The following PRKD1 variants were observed in gnomAD, a reference collection of about 807,000 sequenced individuals.
PRKD1 encodes the protein serine/threonine-protein kinase D1.
In PRKD1, 63 loss-of-function variants were observed where a neutral mutation model predicts 95.9. The ratio of observed to expected loss-of-function variants is 0.66; its 90% CI spans 0.54 to 0.81. The LOEUF (loss-of-function observed/expected upper bound fraction) is 0.81, where lower values mean the gene tolerates loss of function less well. Ranked by LOEUF, PRKD1 falls within the 30% of genes least tolerant of loss-of-function variation. The pLI, the probability that PRKD1 is intolerant of heterozygous loss-of-function variation, is 0.00. For synonymous variants in PRKD1, 425 were observed against 423.1 expected, an observed-to-expected ratio of 1.00 and a Z score of -0.05; for missense variants, 1,048 against 1,165.3, an observed-to-expected ratio of 0.90 and a Z score of 1.47.
At chr14:29,628,366 G>A (rs1347309625) in intron 11 of PRKD1, among the ~76,000 whole-genome samples, 2 of 152,206 alleles carry the variant, frequency 1.3e-5, no homozygotes, top group Non-Finnish European at 2.9e-5. Flanking sequence ...GTCACAGGAG[G>A]AGGTAGAAAA....
At chr14:29,732,174 A>G (rs1404936816) in intron 1 of PRKD1, among the ~76,000 whole-genome samples, 1 of 152,106 alleles carries the variant, frequency 6.6e-6, no homozygotes, top group Non-Finnish European at 1.5e-5. Flanking sequence ...CGCTGGACCA[A>G]CAATCCTTAC....
chr14:29,671,286 C>G (rs1406270724), intron 2 of PRKD1, among the ~76,000 whole-genome samples: 2 of 152,060 alleles, frequency 1.3e-5, no homozygotes, highest in Admixed American at 6.6e-5. Context: ...AGGGAACTGT[C>G]TGATGAGCTC....
intron 4 of PRKD1, among the ~76,000 whole-genome samples, chr14:29,655,901 C>A (rs766717700): frequency 2.9e-4 from 43 of 149,716 alleles, no homozygotes; most frequent in Non-Finnish European, 5.3e-4. Flanking sequence ...CACACGTACC[C>A]TAGAACTTAA....
chr14:29,755,496 C>T (rs910019844), intron 1 of PRKD1, among the ~76,000 whole-genome samples: 28 of 152,102 alleles, frequency 1.8e-4, no homozygotes, highest in African/African-American at 5.8e-4. Flanking sequence ...CAAACCCCGG[C>T]GACACAGAGT....
intron 1 of PRKD1, among the ~76,000 whole-genome samples, chr14:29,855,923 G>A (rs965734979): frequency 1.3e-5 from 2 of 152,156 alleles, no homozygotes; most frequent in African/African-American, 4.8e-5. Flanking sequence ...CAACCATGTG[G>A]AACTGTTAAG....
chr14:29,927,508 C>T lies in PRKD1; in HGVS notation c.5G>A (p.Ser2Asn), dbSNP rs1379643068. The change falls in exon 1 of 18, where the codon AGC becomes AAC. Residue 2 changes from serine (S) to asparagine (N), a missense_variant. By Grantham distance (46) the Ser-to-Asn change is conservative. This residue lies in a region of PRKD1 where 34 missense variants were observed against 54.8 expected (regional missense o/e 0.62). Coordinates refer to ENST00000331968, the MANE Select transcript of PRKD1 (RefSeq NM_002742.3). ...GGGCGGCCGCAGGACCGGAGGGGCG[C>T]TCATCGCTCGGCGGGGCGCAGGGCC... M[S>N]APPVLRPPSP... The T allele has an allele frequency of 8.4e-7, 1 of 1,193,012 alleles. No individual in the cohort carries two copies. Among genetic ancestry groups the T allele is most frequent in the Admixed American group, 4.6e-5 (1 of 21,894 alleles). 73.9% of individuals were successfully genotyped at this position (1,193,012 alleles called of 1,614,324 possible). A position where few individuals can be genotyped will look rare whatever the true frequency, so the allele number is the denominator to read the frequency against.
At chr14:29,634,621 G>C in intron 7 of PRKD1, 80 bp from the exon 8 acceptor site, 2 of 1,543,358 alleles carry the variant, frequency 1.3e-6, no homozygotes, top group East Asian at 2.3e-5. Flanking sequence ...CCTTATGTCA[G>C]CTAATCCAAG....
chr14:29,901,963 AC>A (rs1894335544), intron 1 of PRKD1, among the ~76,000 whole-genome samples: 1 of 152,208 alleles, frequency 6.6e-6, no homozygotes, highest in South Asian at 2.1e-4. Flanking sequence ...TTTGACACAT[AC>A]AAACTCAATA....
intron 1 of PRKD1, among the ~76,000 whole-genome samples, chr14:29,828,384 C>T (rs1271255890): frequency 6.6e-6 from 1 of 151,800 alleles, no homozygotes; most frequent in Non-Finnish European, 1.5e-5. Context: ...AGTGAGATCT[C>T]GCTCATTACC....
intron 2 of PRKD1, among the ~76,000 whole-genome samples, chr14:29,670,391 T>A (rs1395140424): frequency 6.6e-6 from 1 of 152,132 alleles, no homozygotes; most frequent in Non-Finnish European, 1.5e-5. Flanking sequence ...AGAGAGGAAT[T>A]GTACAGAATC....
chr14:29,687,398 A>T (rs1883945052), intron 2 of PRKD1, among the ~76,000 whole-genome samples: 1 of 152,190 alleles, frequency 6.6e-6, no homozygotes. Flanking sequence ...GAAAATAATG[A>T]AATATATACT....
chr14:29,646,568 GATAA>G (rs1881137897), intron 4 of PRKD1, among the ~76,000 whole-genome samples: 1 of 137,718 alleles, frequency 7.3e-6, no homozygotes, highest in African/African-American at 2.8e-5. Flanking sequence ...TAGATAGATA[GATAA>G]ATTTTTTTCA....
chr14:29,717,934 A>G (rs1885705446), intron 2 of PRKD1, among the ~76,000 whole-genome samples: 2 of 152,110 alleles, frequency 1.3e-5, no homozygotes, highest in South Asian at 4.1e-4. Flanking sequence ...TTGCTTCTCC[A>G]TCTCCTCCCT....
intron 2 of PRKD1, among the ~76,000 whole-genome samples, chr14:29,693,121 G>A (rs1370827330): frequency 2.6e-5 from 4 of 152,088 alleles, no homozygotes; most frequent in African/African-American, 9.7e-5. Flanking sequence ...AACAACTTCT[G>A]CAAAGTATTT....
intron 1 of PRKD1, among the ~76,000 whole-genome samples, chr14:29,898,781 T>C (rs1323269347): frequency 1.3e-5 from 2 of 152,198 alleles, no homozygotes; most frequent in Non-Finnish European, 2.9e-5. Context: ...AGATACAAAC[T>C]GCCTGAGCCT....
At chr14:29,845,200 A>G (rs1385002144) in intron 1 of PRKD1, among the ~76,000 whole-genome samples, 1 of 152,258 alleles carries the variant, frequency 6.6e-6, no homozygotes, top group Non-Finnish European at 1.5e-5. Context: ...TGTTGAAGGT[A>G]TGTCAAGTTG....
intron 16 of PRKD1, among the ~76,000 whole-genome samples, chr14:29,589,053 C>T (rs1893036247): frequency 6.6e-6 from 1 of 151,922 alleles, no homozygotes; most frequent in Admixed American, 6.6e-5. Flanking sequence ...TTGATTACTG[C>T]CTGTTTGCCT....
intron 1 of PRKD1, among the ~76,000 whole-genome samples, chr14:29,857,811 G>A (rs1346735849): frequency 2.0e-5 from 3 of 152,166 alleles, no homozygotes; most frequent in Non-Finnish European, 4.4e-5. Context: ...ATAGAAGAAT[G>A]TGAAACCAAA....
chr14:29,743,649 A>G (rs1265639482), intron 1 of PRKD1, among the ~76,000 whole-genome samples: 2 of 152,222 alleles, frequency 1.3e-5, no homozygotes, highest in Non-Finnish European at 2.9e-5. Context: ...CCCCATTTAT[A>G]GAAATACGCC....
Sources: allele counts gnomAD v4.1 joint callset (sites outside exome capture counted in the v4.1 genomes callset), GRCh38; gene constraint gnomAD v4.1.1; regional missense constraint gnomAD v4.1.1; transcripts MANE v1.5; gene names NCBI Gene and HGNC (gene_info 2026-07-23, HGNC 2026-07-21).